The following DLG2 variants were observed in gnomAD, a reference collection of about 807,000 sequenced individuals.
DLG2 encodes the protein disks large homolog 2.
Under a neutral mutation model 132.5 loss-of-function variants are expected in DLG2, and 45 were observed. The ratio of observed to expected loss-of-function variants is 0.34; its 90% CI spans 0.27 to 0.44. The LOEUF is 0.44. Among genes scored for constraint, DLG2 ranks in the 20% least tolerant of loss-of-function variants. DLG2 has a pLI of 1.00. For missense variants in DLG2, 1,045 were observed against 1,196.9 expected, an observed-to-expected ratio of 0.87 and a Z score of 1.87; for synonymous variants, 424 against 419.6, an observed-to-expected ratio of 1.01 and a Z score of -0.13.
chr11:84,257,444 T>G (rs2097491400), intron 7 of DLG2, among the ~76,000 whole-genome samples: 1 of 152,100 alleles, frequency 6.6e-6, no homozygotes, highest in African/African-American at 2.4e-5. Flanking sequence ...ATAATAAGTG[T>G]ATGTACTTAT....
intron 19 of DLG2, among the ~76,000 whole-genome samples, chr11:83,549,084 A>G (rs1240598960): frequency 6.6e-6 from 1 of 152,086 alleles, no homozygotes; most frequent in Non-Finnish European, 1.5e-5. Flanking sequence ...GAGTGCTTTG[A>G]CTCAATTTCC....
intron 7 of DLG2, among the ~76,000 whole-genome samples, chr11:84,418,101 A>G (rs1367043098): frequency 6.6e-6 from 1 of 152,220 alleles, no homozygotes; most frequent in Non-Finnish European, 1.5e-5. Context: ...TTTAGAGCGT[A>G]GTGATTGGTT....
chr11:84,186,604 C>A (rs1206872067), intron 8 of DLG2, among the ~76,000 whole-genome samples: 1 of 151,866 alleles, frequency 6.6e-6, no homozygotes, highest in Admixed American at 6.6e-5. Context: ...GCATTATGAA[C>A]CACCTCTAAT....
Position 83,741,853 on chromosome 11 carries a change from A to AG in DLG2, c.1825+44836_1825+44837insC, listed in dbSNP as rs568361798. On this transcript the variant is annotated intron_variant, in intron 18 of 27. Transcript: ENST00000376104. ...GAAACCCTGTCTCTACTAAAAAAAA[A>AG]AAATGCAAAAAATTAGCAAGGCGTG... 2.5e-3 allele frequency among the ~76,000 whole-genome samples: 379 copies of AG among 152,158 alleles called. 2 individuals are homozygous for AG. The highest frequency in any genetic ancestry group is 8.9e-3 in the South Asian group (43 of 4,812).
At chr11:85,069,822 T>C (rs2065524772) in intron 6 of DLG2, among the ~76,000 whole-genome samples, 1 of 152,166 alleles carries the variant, frequency 6.6e-6, no homozygotes, top group Admixed American at 6.6e-5. Context: ...CAAAGGATTA[T>C]AAATCATGCT....
intron 18 of DLG2, among the ~76,000 whole-genome samples, chr11:83,649,774 A>T (rs2069486582): frequency 6.6e-6 from 1 of 152,080 alleles, no homozygotes; most frequent in Non-Finnish European, 1.5e-5. Context: ...GGAGGAAGGG[A>T]GGCATAAGGG....
At chr11:85,064,072 A>G (rs1566768956) in intron 6 of DLG2, among the ~76,000 whole-genome samples, 2 of 151,874 alleles carry the variant, frequency 1.3e-5, no homozygotes, top group African/African-American at 2.4e-5. Flanking sequence ...AACAAATACG[A>G]GGACAAAACT....
chr11:85,574,441 T>G (rs990553263), intron 3 of DLG2, among the ~76,000 whole-genome samples: 2 of 146,876 alleles, frequency 1.4e-5, no homozygotes, highest in African/African-American at 5.0e-5. Flanking sequence ...AAAAAAAAAA[T>G]GACTCCTCCT....
intron 18 of DLG2, among the ~76,000 whole-genome samples, chr11:83,764,611 T>C (rs1344333302): frequency 6.6e-6 from 1 of 152,200 alleles, no homozygotes; most frequent in Admixed American, 6.5e-5. Flanking sequence ...ACCTACTTAA[T>C]CTTCAAAATT....
At chr11:83,673,015 T>C (rs944550346) in intron 18 of DLG2, among the ~76,000 whole-genome samples, 4 of 152,134 alleles carry the variant, frequency 2.6e-5, no homozygotes, top group Admixed American at 2.0e-4. Context: ...TGAGCCAAGA[T>C]AGCGCCACTG....
intron 4 of DLG2, among the ~76,000 whole-genome samples, chr11:85,194,964 G>T (rs2080917952): frequency 6.6e-6 from 1 of 152,278 alleles, no homozygotes; most frequent in East Asian, 1.9e-4. Flanking sequence ...GTCTGGTAGA[G>T]AACTGTTCTA....
chr11:84,683,391 C>T (rs576436172), intron 6 of DLG2, among the ~76,000 whole-genome samples: 1 of 152,238 alleles, frequency 6.6e-6, no homozygotes, highest in East Asian at 1.9e-4. Context: ...CTGTATGTAC[C>T]TGTAAATTCT....
intron 18 of DLG2, among the ~76,000 whole-genome samples, chr11:83,767,339 G>A (rs72954590): frequency 0.17 from 25,441 of 152,134 alleles, 2,479 homozygotes; most frequent in African/African-American, 0.26. Flanking sequence ...TTTGATTAGA[G>A]AATTATCCCA....
chr11:84,654,444 C>T (rs1322115303), intron 6 of DLG2, among the ~76,000 whole-genome samples: 1 of 152,130 alleles, frequency 6.6e-6, no homozygotes. Flanking sequence ...GCTAACTATG[C>T]CAGTCTTTGA....
intron 19 of DLG2, among the ~76,000 whole-genome samples, chr11:83,617,048 T>TAATTA (rs2060927740): frequency 2.0e-5 from 3 of 152,218 alleles, no homozygotes; most frequent in African/African-American, 7.2e-5. Context: ...TTATGTAACC[T>TAATTA]CATAATAAAT....
chr11:84,137,004 A>T (rs987077930), intron 9 of DLG2, among the ~76,000 whole-genome samples: 2 of 152,108 alleles, frequency 1.3e-5, no homozygotes, highest in Non-Finnish European at 2.9e-5. Flanking sequence ...AAACACTACA[A>T]ACTATTCCAC....
At position 84,059,395 on chromosome 11, in the gene DLG2, G is replaced by T; in HGVS notation, c.839C>A (p.Ser280Tyr). The T allele has an allele frequency of 6.2e-7, 1 of 1,613,440 alleles. No individual in the cohort carries two copies. The highest frequency in any genetic ancestry group is 8.5e-7 in the Non-Finnish European group (1 of 1,179,730). ...TCTACGCACATACAGCCGAACGATA[G>T]ACCCTGCTTCCTTCAGGGCTTCCAC... ...KAVEALKEAG[S>Y]IVRLYVRRRR... is the part of the protein sequence containing the mutation. The change falls in exon 11 of 28, where the codon TCT becomes TAT. Residue 280 changes from serine to tyrosine, a missense_variant. By Grantham distance (144) the Ser-to-Tyr change is moderately radical. Coordinates refer to ENST00000376104, the MANE Select transcript of DLG2 (RefSeq NM_001142699.3).
chr11:83,844,523 A>C (rs2058239792), intron 16 of DLG2, among the ~76,000 whole-genome samples: 1 of 136,504 alleles, frequency 7.3e-6, no homozygotes. Context: ...ACTTTAGCTT[A>C]GGCAACAGAG....
chr11:84,667,199 G>A (rs373298848), intron 6 of DLG2, among the ~76,000 whole-genome samples: 4 of 151,972 alleles, frequency 2.6e-5, no homozygotes, highest in South Asian at 2.1e-4. Context: ...AACACCATTC[G>A]CACCGGGCAG....
Sources: allele counts gnomAD v4.1 joint callset (sites outside exome capture counted in the v4.1 genomes callset), GRCh38; gene constraint gnomAD v4.1.1; transcripts MANE v1.5; gene names NCBI Gene and HGNC (gene_info 2026-07-23, HGNC 2026-07-21).